The following PALMD variants were observed in gnomAD, a reference collection of about 807,000 sequenced individuals.
PALMD encodes the protein paralemmin-like protein.
Under a neutral mutation model 56.2 loss-of-function variants are expected in PALMD, and 42 were observed. That is an observed-to-expected ratio of 0.75 (90% confidence interval 0.58 to 0.97). The LOEUF is 0.97. PALMD is among the 50% of genes least tolerant of loss of function. PALMD has a pLI of 0.00. For missense variants in PALMD, 660 were observed against 643.8 expected, an observed-to-expected ratio of 1.03 and a Z score of -0.27; for synonymous variants, 242 against 222.9, an observed-to-expected ratio of 1.09 and a Z score of -0.76.
At chr1:99,656,923 C>A (rs533920417) in intron 1 of PALMD, among the ~76,000 whole-genome samples, 1 of 152,152 alleles carries the variant, frequency 6.6e-6, no homozygotes, top group African/African-American at 2.4e-5. Flanking sequence ...CCTTTGTGCT[C>A]CCCGCAATCT....
chr1:99,662,920 C>G (rs1297715959), intron 2 of PALMD, among the ~76,000 whole-genome samples: 2 of 152,084 alleles, frequency 1.3e-5, no homozygotes, highest in Non-Finnish European at 2.9e-5. Flanking sequence ...CCAGAAATAA[C>G]TTTCCATGTT....
chr1:99,672,511 T>C (rs1653109257), intron 3 of PALMD, among the ~76,000 whole-genome samples: 1 of 152,150 alleles, frequency 6.6e-6, no homozygotes, highest in Admixed American at 6.5e-5. Flanking sequence ...CTTGCTCTCC[T>C]CTATCCAATA....
At chr1:99,667,546 T>C (rs372076731) in intron 2 of PALMD, 96 bp from the exon 3 acceptor site, 2 of 954,488 alleles carry the variant, frequency 2.1e-6, no homozygotes, top group East Asian at 2.4e-5. Context: ...CTCTTTAACG[T>C]GTCACCTATT....
At chr1:99,672,378 C>T (rs1038100743) in intron 3 of PALMD, among the ~76,000 whole-genome samples, 4 of 152,142 alleles carry the variant, frequency 2.6e-5, no homozygotes, top group Non-Finnish European at 5.9e-5. Flanking sequence ...AAGAGCCCTG[C>T]GCTTACTGCG....
At position 99,667,633 on chromosome 1, in the gene PALMD, T is replaced by A. The variant is rs1652996119; in HGVS notation, c.127-9T>A. The A allele has an allele frequency of 6.2e-7, 1 of 1,611,292 alleles. No individual in the cohort carries two copies. Among genetic ancestry groups the A allele is most frequent in the East Asian group, 2.2e-5 (1 of 44,858 alleles). Reference sequence around the variant, plus strand: ...TATAAGAACATATCTTTATGTTTCCTGACATCAGAAAAAGGCCTTGAGGGA... The same window carrying A: ...TATAAGAACATATCTTTATGTTTCCAGACATCAGAAAAAGGCCTTGAGGGA... On this transcript the variant is annotated splice_polypyrimidine_tract_variant and intron_variant, in intron 2 of 7. Coordinates refer to ENST00000263174, the MANE Select transcript of PALMD (RefSeq NM_017734.5).
intron 7 of PALMD, among the ~76,000 whole-genome samples, chr1:99,692,757 C>T (rs1450767578): frequency 1.3e-5 from 2 of 152,158 alleles, no homozygotes; most frequent in East Asian, 1.9e-4. Context: ...CCATAAAATC[C>T]AACAGTATAA....
chr1:99,660,141 G>T (rs1373065353), intron 1 of PALMD, among the ~76,000 whole-genome samples: 3 of 152,222 alleles, frequency 2.0e-5, no homozygotes, highest in Non-Finnish European at 4.4e-5. Flanking sequence ...CTAAAAATGT[G>T]CTCCCTGCTA....
intron 6 of PALMD, 52 bp downstream of exon 6, chr1:99,687,241 G>A (rs1313282632): frequency 6.5e-7 from 1 of 1,539,344 alleles, no homozygotes; most frequent in South Asian, 1.3e-5. Flanking sequence ...AGATTTTACA[G>A]TGTCAAATAT....
chr1:99,678,934 A>G (rs538817942), intron 3 of PALMD, among the ~76,000 whole-genome samples: 1 of 151,824 alleles, frequency 6.6e-6, no homozygotes, highest in African/African-American at 2.4e-5. Context: ...AGTTAAAGAC[A>G]AGCCTGGGCA....
rs778800555 is a variant in PALMD, at chr1:99,687,105, C to T, written c.430C>T (p.Pro144Ser). 3 of 1,602,226 alleles carry T rather than the reference C, an allele frequency of 1.9e-6. No individual in the cohort carries two copies. Among genetic ancestry groups the T allele is most frequent in the Middle Eastern group, 1.7e-4 (1 of 5,990 alleles). Residue 144 changes from proline to serine, a missense_variant, in exon 6 of 8, where the codon CCT (proline) becomes TCT (serine). Coordinates refer to ENST00000263174, the MANE Select transcript of PALMD (RefSeq NM_017734.5). ...AATTGAGGACATCTATGCTAATATC[C>T]CTGACCTTCCAAAGTCCTACATACC... ...ESIEDIYANI[P>S]DLPKSYIPSR...
chr1:99,689,868 A>G lies in PALMD; in HGVS notation c.1608A>G (p.Leu536=). The change falls in exon 7 of 8, where the codon TTA becomes TTG. Residue 536 remains leucine (L), a synonymous_variant. Transcript: ENST00000263174. ...GAGATGGGACTGAGGATCCATCCTT[A>G]ACAGGTAATAAAAATGACAAGGCAT... ...TTGDGTEDPS[L]TALRMRMAKL... 6 of 1,594,206 alleles carry G rather than the reference A, an allele frequency of 3.8e-6. No homozygotes were observed. Among genetic ancestry groups the G allele is most frequent in the Non-Finnish European group, 4.3e-6 (5 of 1,174,368 alleles).
rs144879350 is a variant in PALMD at position 99,682,651 on chromosome 1, C to T, written c.252-4025C>T. ...TGCATTTCAAAATTCCCTAAGGTGTCATTGGCCAAGCAGACCAGGAGCTTT... is the reference window on the plus strand; with the variant it reads ...TGCATTTCAAAATTCCCTAAGGTGTTATTGGCCAAGCAGACCAGGAGCTTT... On this transcript the variant is annotated intron_variant, in intron 3 of 7. Coordinates refer to ENST00000263174, the MANE Select transcript of PALMD (RefSeq NM_017734.5). Among the ~76,000 whole-genome samples, 417 of 152,036 alleles carry T rather than the reference C, an allele frequency of 2.7e-3. 2 individuals carry two copies. Among genetic ancestry groups the T allele is most frequent in the Non-Finnish European group, 4.7e-3 (318 of 68,002 alleles).
chr1:99,673,319 A>G (rs575137381), intron 3 of PALMD, among the ~76,000 whole-genome samples: 1 of 152,326 alleles, frequency 6.6e-6, no homozygotes, highest in South Asian at 2.1e-4. Context: ...CTACCTGTGC[A>G]GGTCAATTGT....
At chr1:99,671,876 C>T (rs192055696) in intron 3 of PALMD, among the ~76,000 whole-genome samples, 93 of 152,168 alleles carry the variant, frequency 6.1e-4, no homozygotes, top group African/African-American at 2.2e-3. Context: ...TACAGCAAAA[C>T]GTAAAGAGCC....
At chr1:99,649,625 AG>A (rs1393791035) in intron 1 of PALMD, among the ~76,000 whole-genome samples, 8 of 152,222 alleles carry the variant, frequency 5.3e-5, no homozygotes, top group African/African-American at 1.7e-4. Flanking sequence ...AGATTCCCTT[AG>A]GATGAGTAAC....
intron 3 of PALMD, among the ~76,000 whole-genome samples, chr1:99,681,533 G>A (rs940300757): frequency 3.3e-5 from 5 of 151,908 alleles, no homozygotes; most frequent in Non-Finnish European, 5.9e-5. Flanking sequence ...GGAATGGGAA[G>A]GAATAATGAG....
Position 99,674,206 on chromosome 1 carries a change from G to C in PALMD, c.251+6440G>C, listed in dbSNP as rs578123103. Among the ~76,000 whole-genome samples, 55 of 151,880 alleles carry C rather than the reference G, an allele frequency of 3.6e-4. 1 individual carries two copies. In the South Asian group the frequency reaches 9.6e-3, roughly 27 times the overall value. On this transcript the variant is annotated intron_variant, in intron 3 of 7. Coordinates refer to ENST00000263174, the MANE Select transcript of PALMD (RefSeq NM_017734.5). ...TCAGCATTCATTCTTGCTCATACCT[G>C]CCAATCTCATCTATATGTTAGTAGA...
At chr1:99,687,318 G>GT in intron 6 of PALMD, 129 bp downstream of exon 6, 1 of 963,924 alleles carries the variant, frequency 1.0e-6, no homozygotes, top group South Asian at 1.9e-5. Flanking sequence ...AGTTCTGTGA[G>GT]TTATGTGAGT....
At chr1:99,650,832 C>G in intron 1 of PALMD, among the ~76,000 whole-genome samples, 1 of 152,294 alleles carries the variant, frequency 6.6e-6, no homozygotes, top group African/African-American at 2.4e-5. Context: ...CATATTTTTC[C>G]TTATTCGTTC....
Sources: allele counts gnomAD v4.1 joint callset (sites outside exome capture counted in the v4.1 genomes callset), GRCh38; gene constraint gnomAD v4.1.1; transcripts MANE v1.5; gene names NCBI Gene and HGNC (gene_info 2026-07-23, HGNC 2026-07-21).